The following C21orf91 variants were observed in gnomAD, a reference collection of about 807,000 sequenced individuals.
The protein encoded by C21orf91 is chromosome 21 open reading frame 91, also known as protein EURL homolog.
A neutral mutation model predicts 32.9 loss-of-function variants in C21orf91; 26 were observed. The observed-to-expected ratio is 0.79, with a 90% CI of 0.58 to 1.10. C21orf91 has a LOEUF of 1.10. Among genes scored for constraint, C21orf91 ranks in the 50% least tolerant of loss-of-function variants. The probability of loss-of-function intolerance (pLI) is 0.00; values close to 1 mark genes in which losing one functional copy is unlikely to be tolerated. For synonymous variants in C21orf91, 126 were observed against 120.4 expected, an observed-to-expected ratio of 1.05 and a Z score of -0.31; for missense variants, 310 against 341.3, an observed-to-expected ratio of 0.91 and a Z score of 0.72.
intron 2 of C21orf91, among the ~76,000 whole-genome samples, chr21:17,813,642 T>C (rs985842018): frequency 2.0e-5 from 3 of 152,234 alleles, no homozygotes; most frequent in Non-Finnish European, 4.4e-5. Flanking sequence ...TCTGAAATAC[T>C]TGAGACCAGA....
chr21:17,811,146 G>A (rs1394501359), intron 2 of C21orf91, among the ~76,000 whole-genome samples: 1 of 151,544 alleles, frequency 6.6e-6, no homozygotes, highest in Non-Finnish European at 1.5e-5. Flanking sequence ...TAGGCACCTG[G>A]ACATTTTGGA....
intron 2 of C21orf91, among the ~76,000 whole-genome samples, chr21:17,797,558 T>C (rs2062529086): frequency 6.7e-6 from 1 of 150,156 alleles, no homozygotes; most frequent in African/African-American, 2.4e-5. Context: ...ACACAGTAAA[T>C]CATGTTCTTA....
At chr21:17,794,892 C>A (rs2062506124) in intron 4 of C21orf91, among the ~76,000 whole-genome samples, 1 of 151,820 alleles carries the variant, frequency 6.6e-6, no homozygotes, top group Non-Finnish European at 1.5e-5. Context: ...CATGATGAAA[C>A]CCCCTCCCTA....
rs748550451 is a variant in C21orf91 at position 17,797,009 on chromosome 21, T to C, written c.237A>G (p.Ser79=). 6.2e-7 allele frequency: 1 copy of C among 1,613,658 alleles called. No individual in the cohort carries two copies. The highest frequency in any genetic ancestry group is 2.2e-5 in the East Asian group (1 of 44,868). ...ANQGCPRSKL[S]KSTYEEVKTI... is the part of the protein sequence containing the mutation. ...TTTTAACTTCTTCATAAGTACTTTT[T>C]GAAAGCTTAGATCGAGGACAACCCT... The change falls in exon 3 of 5, where the codon TCA becomes TCG. Residue 79 remains serine (S), a synonymous_variant. Coordinates refer to ENST00000284881, the MANE Select transcript of C21orf91 (RefSeq NM_001100420.2).
rs576270089 is a variant in C21orf91, at chr21:17,813,935, C to T, written c.127+4257G>A. On this transcript the variant is annotated intron_variant, in intron 2 of 4. Coordinates refer to ENST00000284881, the MANE Select transcript of C21orf91 (RefSeq NM_001100420.2). ...GAGAATTGCTCAAGGTCAGCCTAAG[C>T]AACATAGTGAAACCCTTATTTTAAT... 1.3e-4 allele frequency: 19 copies of T among 151,260 alleles called. No individual in the cohort carries two copies. In the South Asian group the frequency reaches 2.9e-3, roughly 23 times the overall value. The allele number at this position is 151,260 out of a possible 1,614,324, so 9.4% of individuals were successfully genotyped here. A position where few individuals can be genotyped will look rare whatever the true frequency, so the allele number is the denominator to read the frequency against.
rs1742153592 is a variant in C21orf91 at position 17,819,338 on chromosome 21, C to A, written c.-43G>T. On this transcript the variant is annotated 5_prime_UTR_variant, in exon 1 of 5. Coordinates refer to ENST00000284881, the MANE Select transcript of C21orf91 (RefSeq NM_001100420.2). ...CGCGGGCCACCACCGCCGTTCCGTG[C>A]GGCTCGGGTTCCTCCACTATTGTTT... 1 of 152,422 alleles carries A rather than the reference C, an allele frequency of 6.6e-6. No homozygotes were observed. The highest frequency in any genetic ancestry group is 1.5e-5 in the Non-Finnish European group (1 of 68,258). 9.4% of individuals were successfully genotyped at this position (152,422 alleles called of 1,614,324 possible). A position where few individuals can be genotyped will look rare whatever the true frequency, so the allele number is the denominator to read the frequency against.
chr21:17,814,147 T>C (rs2062650781), intron 2 of C21orf91, among the ~76,000 whole-genome samples: 1 of 152,198 alleles, frequency 6.6e-6, no homozygotes, highest in South Asian at 2.1e-4. Flanking sequence ...AAACCCTGGA[T>C]CTCTTCCTGC....
intron 2 of C21orf91, among the ~76,000 whole-genome samples, chr21:17,807,491 T>C (rs2062605103): frequency 1.3e-5 from 2 of 152,190 alleles, no homozygotes; most frequent in Non-Finnish European, 1.5e-5. Context: ...GCTATAAAGA[T>C]ACCTGAAAAT....
At chr21:17,798,122 T>C (rs981628038) in intron 2 of C21orf91, among the ~76,000 whole-genome samples, 11 of 152,116 alleles carry the variant, frequency 7.2e-5, no homozygotes, top group African/African-American at 2.7e-4. Flanking sequence ...GCTTTTCAAA[T>C]GGAGTAAGCG....
intron 2 of C21orf91, among the ~76,000 whole-genome samples, chr21:17,812,393 T>C (rs2062637998): frequency 6.6e-6 from 1 of 152,184 alleles, no homozygotes; most frequent in South Asian, 2.1e-4. Context: ...AAACAATCCT[T>C]AAAGCAACAG....
chr21:17,805,710 A>G (rs2062589739), intron 2 of C21orf91, among the ~76,000 whole-genome samples: 1 of 152,228 alleles, frequency 6.6e-6, no homozygotes, highest in African/African-American at 2.4e-5. Context: ...AATTTGGACT[A>G]TAAGGTTTAA....
chr21:17,803,068 T>G (rs776398558), intron 2 of C21orf91, among the ~76,000 whole-genome samples: 10 of 152,182 alleles, frequency 6.6e-5, no homozygotes, highest in Admixed American at 1.3e-4. Context: ...ACTGGGAGTA[T>G]GGGTTTGCTA....
chr21:17,789,537 A>G lies in C21orf91; in HGVS notation c.*3878T>C, dbSNP rs1028000682. The G allele has an allele frequency of 6.6e-6, 1 of 152,138 alleles. No individual in the cohort carries two copies. The highest frequency in any genetic ancestry group is 2.4e-5 in the African/African-American group (1 of 41,434). 9.4% of individuals were successfully genotyped at this position (152,138 alleles called of 1,614,324 possible). On this transcript the variant is annotated 3_prime_UTR_variant, in exon 5 of 5. Coordinates refer to ENST00000284881, the MANE Select transcript of C21orf91 (RefSeq NM_001100420.2). The stretch of plus-strand genomic sequence containing the variant: ...ACTTAAAATTGTGAAATAATTAAAT[A>G]TTATTAAAATGTATTAGTAATGTGG...
In C21orf91 at chr21:17,793,440, T is replaced by A. The variant is rs1299047445; in HGVS notation, c.869A>T (p.Lys290Met). The A allele has an allele frequency of 6.2e-7, 1 of 1,612,320 alleles. No individual in the cohort carries two copies. ...TCAGTTGTTTATGGGTAGGTGCGAC[T>A]TCATTCCTGTTCGCCCTACTTGCAG... ...PCLQVGRTGM[K>M]SHLPINN The change falls in exon 5 of 5, where the codon AAG (lysine) becomes ATG (methionine). Residue 290 changes from lysine to methionine, a missense_variant. Coordinates refer to ENST00000284881, the MANE Select transcript of C21orf91 (RefSeq NM_001100420.2).
At chr21:17,817,410 A>C (rs1302705298) in intron 2 of C21orf91, among the ~76,000 whole-genome samples, 1 of 152,166 alleles carries the variant, frequency 6.6e-6, no homozygotes, top group Non-Finnish European at 1.5e-5. Context: ...GAAACTGTCC[A>C]AAATCTAGAG....
chr21:17,793,485 T>A lies in C21orf91; in HGVS notation c.824A>T (p.Asn275Ile). ...TTGCAGACATGGTAACTTAGAACAG[T>A]TCTTCAGAAGCTGTTCGATGGCAAC... is the stretch of plus-strand genomic sequence containing the variant. ...RHVAIEQLLKNCSKLPCLQVG... is the reference protein window; with the variant it reads ...RHVAIEQLLKICSKLPCLQVG... Residue 275 changes from asparagine (N) to isoleucine (I), a missense_variant, in exon 5 of 5, where the codon AAC (asparagine) becomes ATC (isoleucine). Physicochemically the swap from Asn to Ile is moderately radical, Grantham distance 149 (BLOSUM62 -3). Transcript: ENST00000284881. The A allele has an allele frequency of 6.2e-7, 1 of 1,613,114 alleles. No individual in the cohort carries two copies. Among genetic ancestry groups the A allele is most frequent in the Non-Finnish European group, 8.5e-7 (1 of 1,179,276 alleles).
At chr21:17,811,522 C>T (rs1056905547) in intron 2 of C21orf91, 7 of 152,076 alleles carry the variant, frequency 4.6e-5, no homozygotes, top group South Asian at 2.1e-4. Flanking sequence ...ACACTTTTAG[C>T]GTCTATTATA....
chr21:17,803,305 G>A (rs1442320505), intron 2 of C21orf91, among the ~76,000 whole-genome samples: 1 of 152,178 alleles, frequency 6.6e-6, no homozygotes, highest in Non-Finnish European at 1.5e-5. Context: ...TGGACTGCCT[G>A]ACCCCAGGAA....
In C21orf91 at chr21:17,793,386, G is replaced by T. The variant is rs1270884027; in HGVS notation, c.*29C>A. The T allele has an allele frequency of 6.6e-6, 10 of 1,511,984 alleles. No homozygotes were observed. In the African/African-American group the frequency reaches 6.9e-5, roughly 10 times the overall value. 93.7% of individuals were successfully genotyped at this position (1,511,984 alleles called of 1,614,324 possible). On this transcript the variant is annotated 3_prime_UTR_variant, in exon 5 of 5. Transcript: ENST00000284881. ...TGCATGTCTGGGAGACCAATAAAGGGCAGGGCATACGAAGTAAGTCTGTTT... is the reference window on the plus strand; with the variant it reads ...TGCATGTCTGGGAGACCAATAAAGGTCAGGGCATACGAAGTAAGTCTGTTT...
Sources: gnomAD v4.1 joint callset for allele counts (sites outside exome capture counted in the v4.1 genomes callset) on GRCh38, gnomAD v4.1.1 for gene constraint, MANE v1.5 for transcripts, NCBI Gene and HGNC (gene_info 2026-07-23, HGNC 2026-07-21) for gene names.